The following ZBTB8A variants were observed in gnomAD, a reference collection of about 807,000 sequenced individuals.
The protein encoded by ZBTB8A is zinc finger and BTB domain containing 8A.
A neutral mutation model predicts 37.8 loss-of-function variants in ZBTB8A; 19 were observed. The ratio of observed to expected loss-of-function variants is 0.50; its 90% CI spans 0.35 to 0.74. The LOEUF is 0.74. ZBTB8A is among the 30% of genes least tolerant of loss of function. ZBTB8A has a pLI of 0.01. For synonymous variants in ZBTB8A, 181 were observed against 185.2 expected, an observed-to-expected ratio of 0.98 and a Z score of 0.19; for missense variants, 394 against 537.8, an observed-to-expected ratio of 0.73 and a Z score of 2.65.
intron 2 of ZBTB8A, among the ~76,000 whole-genome samples, chr1:32,559,167 A>C (rs1419134841): frequency 6.6e-6 from 1 of 152,090 alleles, no homozygotes; most frequent in African/African-American, 2.4e-5. Flanking sequence ...GCTGGAGTGC[A>C]ATGGCGTGAT....
chr1:32,554,948 A>G (rs1461529890), intron 2 of ZBTB8A, among the ~76,000 whole-genome samples: 1 of 152,216 alleles, frequency 6.6e-6, no homozygotes, highest in Non-Finnish European at 1.5e-5. Context: ...AAGGATGTTA[A>G]GCCTAGAAAC....
chr1:32,599,642 C>T (rs756406045), intron 4 of ZBTB8A, among the ~76,000 whole-genome samples: 184 of 151,830 alleles, frequency 1.2e-3, no homozygotes, highest in Admixed American at 2.8e-3. Flanking sequence ...GCATGAACCC[C>T]GGAGGCGGAG....
At chr1:32,561,982 GTT>G (rs1644246815) in intron 2 of ZBTB8A, among the ~76,000 whole-genome samples, 1 of 151,958 alleles carries the variant, frequency 6.6e-6, no homozygotes, top group Non-Finnish European at 1.5e-5. Context: ...CACAGTCTCA[GTT>G]TGCCATCCAG....
intron 2 of ZBTB8A, among the ~76,000 whole-genome samples, chr1:32,573,761 T>TTTA (rs1553178558): frequency 6.9e-6 from 1 of 144,576 alleles, no homozygotes; most frequent in Admixed American, 6.9e-5. Flanking sequence ...TTTTTTTTTT[T>TTTA]AATATAAGAA....
At chr1:32,552,941 A>C (rs1008583895) in intron 1 of ZBTB8A, among the ~76,000 whole-genome samples, 1 of 148,580 alleles carries the variant, frequency 6.7e-6, no homozygotes, top group Non-Finnish European at 1.5e-5. Context: ...GTTCTATATT[A>C]TATATTAATA....
At chr1:32,548,876 C>T (rs1644127846) in intron 1 of ZBTB8A, among the ~76,000 whole-genome samples, 1 of 152,102 alleles carries the variant, frequency 6.6e-6, no homozygotes, top group Non-Finnish European at 1.5e-5. Flanking sequence ...TGTATTAGTC[C>T]ATGCTCTCAT....
Position 32,601,711 on chromosome 1 carries a change from C to G in ZBTB8A, c.*1292C>G. On this transcript the variant is annotated 3_prime_UTR_variant, in exon 5 of 5. Coordinates refer to ENST00000373510, the MANE Select transcript of ZBTB8A (RefSeq NM_001040441.3). The stretch of plus-strand genomic sequence containing the variant: ...TTCAGCCTTCTCTCCCTGTATGTCT[C>G]CTGAAATGGCAAAGAATAGAAGTCA... 2.5e-6 allele frequency: 1 copy of G among 398,450 alleles called. No individual in the cohort carries two copies. 24.7% of individuals were successfully genotyped at this position (398,450 alleles called of 1,614,324 possible).
chr1:32,568,356 A>G (rs933145518), intron 2 of ZBTB8A, among the ~76,000 whole-genome samples: 9 of 151,100 alleles, frequency 6.0e-5, no homozygotes, highest in African/African-American at 2.2e-4. Flanking sequence ...GGCAACTGTA[A>G]TCTCCCTTAC....
intron 2 of ZBTB8A, among the ~76,000 whole-genome samples, chr1:32,577,614 CAG>C (rs1644373144): frequency 1.0e-5 from 1 of 100,162 alleles, no homozygotes; most frequent in Non-Finnish European, 1.9e-5. Flanking sequence ...TTTTTTGAGA[CAG>C]AGTCTTTCTC....
intron 1 of ZBTB8A, among the ~76,000 whole-genome samples, chr1:32,551,502 G>A (rs986558390): frequency 1.3e-5 from 2 of 152,076 alleles, no homozygotes; most frequent in African/African-American, 2.4e-5. Context: ...TTCACCTGAG[G>A]TTGGGAGTTT....
At chr1:32,589,440 AG>A (rs1644472127) in intron 2 of ZBTB8A, among the ~76,000 whole-genome samples, 1 of 151,894 alleles carries the variant, frequency 6.6e-6, no homozygotes, top group Non-Finnish European at 1.5e-5. Context: ...TAGTAGAGAT[AG>A]GGGTTCACCA....
intron 2 of ZBTB8A, among the ~76,000 whole-genome samples, chr1:32,572,566 T>C (rs143305100): frequency 3.3e-5 from 5 of 152,136 alleles, no homozygotes; most frequent in Admixed American, 6.6e-5. Flanking sequence ...TGGCTAATTT[T>C]TGTATTTTTA....
In ZBTB8A at chr1:32,594,199, AAC is replaced by A. The variant is rs879794491; in HGVS notation, c.823+447_823+448del. On this transcript the variant is annotated intron_variant, in intron 3 of 4. Transcript: ENST00000373510. ...ATAGAGTGAGACTCTGTCTCAAAAA[AAC>A]AAAAAAAGAAGAAATTCATTTCATA... Among the ~76,000 whole-genome samples, 41 of 147,570 alleles carry A rather than the reference AAC, an allele frequency of 2.8e-4. 3 individuals carry two copies. The highest frequency in any genetic ancestry group is 3.1e-4 in the Non-Finnish European group (21 of 66,982).
At chr1:32,589,231 G>A (rs1644470467) in intron 2 of ZBTB8A, among the ~76,000 whole-genome samples, 1 of 152,022 alleles carries the variant, frequency 6.6e-6, no homozygotes, top group South Asian at 2.1e-4. Flanking sequence ...CCAGGCTGAA[G>A]GGGAAGTTTT....
At chr1:32,568,940 T>C (rs1644304920) in intron 2 of ZBTB8A, among the ~76,000 whole-genome samples, 1 of 152,196 alleles carries the variant, frequency 6.6e-6, no homozygotes, top group Admixed American at 6.6e-5. Context: ...CTTGTATAAA[T>C]TTTTTTGTAG....
chr1:32,593,918 G>A (rs1012580160), intron 3 of ZBTB8A, among the ~76,000 whole-genome samples, 164 bp downstream of exon 3: 3 of 152,094 alleles, frequency 2.0e-5, no homozygotes, highest in Admixed American at 6.6e-5. Context: ...AAGGATAGGC[G>A]TGGTGGCTCA....
chr1:32,594,333 A>G (rs1306109472), intron 3 of ZBTB8A, among the ~76,000 whole-genome samples: 3 of 152,164 alleles, frequency 2.0e-5, no homozygotes, highest in South Asian at 4.1e-4. Context: ...CCAAACCTGT[A>G]TCTGTGGGTG....
Position 32,593,753 on chromosome 1 carries a change from AGG to A in ZBTB8A, c.823_823+1del. On this transcript the variant is annotated splice_donor_variant and coding_sequence_variant, in exon 3 of 5. Coordinates refer to ENST00000373510, the MANE Select transcript of ZBTB8A (RefSeq NM_001040441.3). LOFTEE classifies it high-confidence loss of function. The stretch of plus-strand genomic sequence containing the variant: ...CTGATGTCACATCCAAAAGCTTTCC[AGG>A]TACCCAAAAAGAGCATAAGTCCCCT... The A allele has an allele frequency of 6.2e-7, 1 of 1,605,374 alleles. No individual in the cohort carries two copies. The highest frequency in any genetic ancestry group is 8.5e-7 in the Non-Finnish European group (1 of 1,175,930).
At chr1:32,559,627 G>T (rs1644228626) in intron 2 of ZBTB8A, among the ~76,000 whole-genome samples, 2 of 151,620 alleles carry the variant, frequency 1.3e-5, no homozygotes, top group African/African-American at 4.8e-5. Context: ...ACCATGCCTG[G>T]GTAATTTTTG....
Sources: allele counts gnomAD v4.1 joint callset (sites outside exome capture counted in the v4.1 genomes callset), GRCh38; gene constraint gnomAD v4.1.1; transcripts MANE v1.5; gene names NCBI Gene and HGNC (gene_info 2026-07-23, HGNC 2026-07-21).